The following SPG11 variants were observed in gnomAD, a reference collection of about 807,000 sequenced individuals.
The protein encoded by SPG11 is SPG11 vesicle trafficking associated, spatacsin, also known as spatacsin.
SPG11 carries 222 observed loss-of-function variants against 274.0 expected under a neutral mutation model. The observed-to-expected ratio is 0.81, with a 90% CI of 0.73 to 0.91. The LOEUF (loss-of-function observed/expected upper bound fraction) is 0.91, where lower values mean the gene tolerates loss of function less well. SPG11 is among the 40% of genes least tolerant of loss of function. SPG11 has a pLI of 0.00. For synonymous variants in SPG11, 1,144 were observed against 1,039.7 expected, an observed-to-expected ratio of 1.10 and a Z score of -1.93; for missense variants, 3,114 against 2,872.7, an observed-to-expected ratio of 1.08 and a Z score of -1.92.
At chr15:44,643,601 A>C (rs1327416337) in intron 7 of SPG11, among the ~76,000 whole-genome samples, 1 of 152,054 alleles carries the variant, frequency 6.6e-6, no homozygotes, top group Non-Finnish European at 1.5e-5. Flanking sequence ...ATAAATCTGC[A>C]CAATCTCAGA....
chr15:44,597,700 G>A (rs974172775), intron 23 of SPG11, among the ~76,000 whole-genome samples: 25 of 152,318 alleles, frequency 1.6e-4, no homozygotes, highest in African/African-American at 6.0e-4. Flanking sequence ...ATCAGTGATA[G>A]GATGTACAGA....
At chr15:44,602,057 T>C (rs1411404542) in intron 20 of SPG11, among the ~76,000 whole-genome samples, 1 of 152,274 alleles carries the variant, frequency 6.6e-6, no homozygotes, top group African/African-American at 2.4e-5. Flanking sequence ...GATTTTTGTA[T>C]GTTGATTTAA....
At chr15:44,653,388 A>C (rs939281670) in intron 4 of SPG11, among the ~76,000 whole-genome samples, 1 of 152,156 alleles carries the variant, frequency 6.6e-6, no homozygotes, top group African/African-American at 2.4e-5. Context: ...AAGTTAGAGA[A>C]GGTAGGGCGA....
At chr15:44,638,085 CACA>C (rs1227375818) in intron 7 of SPG11, among the ~76,000 whole-genome samples, 1 of 152,136 alleles carries the variant, frequency 6.6e-6, no homozygotes, top group Non-Finnish European at 1.5e-5. Flanking sequence ...AAAAATAAAA[CACA>C]ACAATAACAT....
Position 44,589,294 on chromosome 15 carries a change from G to GCTT in SPG11, c.4861_4863dup (p.Lys1621dup). The GCTT allele has an allele frequency of 6.2e-7, 1 of 1,614,084 alleles. No homozygotes were observed. Among genetic ancestry groups the GCTT allele is most frequent in the African/African-American group, 1.3e-5 (1 of 75,044 alleles). On this transcript the variant is annotated inframe_insertion, in exon 28 of 40. Coordinates refer to ENST00000261866, the MANE Select transcript of SPG11 (RefSeq NM_025137.4). ...TCTCTTTCAACAAAGAGCTGTAAAA[G>GCTT]CTTCCCCAGCTCATACTGGGTCTTA...
chr15:44,575,185 GC>G, intron 30 of SPG11, 144 bp from the exon 31 acceptor site: 1 of 984,194 alleles, frequency 1.0e-6, no homozygotes, highest in Non-Finnish European at 1.5e-6. Flanking sequence ...TGCTGACAGG[GC>G]CCCACCTCAA....
intron 7 of SPG11, among the ~76,000 whole-genome samples, chr15:44,639,611 G>A (rs2084382269): frequency 6.6e-6 from 1 of 151,866 alleles, no homozygotes; most frequent in Non-Finnish European, 1.5e-5. Context: ...CTCACATGGG[G>A]GTATCCCTTG....
chr15:44,567,966 G>T (rs945908258), intron 35 of SPG11, among the ~76,000 whole-genome samples: 1 of 152,206 alleles, frequency 6.6e-6, no homozygotes, highest in African/African-American at 2.4e-5. Context: ...AAAATAAGGG[G>T]AAGAGAATAC....
chr15:44,660,694 G>T, intron 1 of SPG11, 78 bp from the exon 2 acceptor site: 12 of 1,350,600 alleles, frequency 8.9e-6, no homozygotes, highest in Middle Eastern at 1.9e-4. Flanking sequence ...TAGAAGGGTT[G>T]AATAAGTAGA....
chr15:44,619,721 ATTTTT>A (rs1231420239), intron 15 of SPG11, among the ~76,000 whole-genome samples: 1 of 135,754 alleles, frequency 7.4e-6, no homozygotes, highest in Non-Finnish European at 1.6e-5. Context: ...AATGCATATG[ATTTTT>A]TTTTTTTTTT....
At chr15:44,579,402 C>T (rs1174673131) in intron 30 of SPG11, among the ~76,000 whole-genome samples, 6 of 151,420 alleles carry the variant, frequency 4.0e-5, no homozygotes, top group Non-Finnish European at 5.9e-5. Flanking sequence ...GGCGTGGTGG[C>T]GCCAGTCCCA....
At chr15:44,597,167 A>G in intron 23 of SPG11, 1 of 429,390 alleles carries the variant, frequency 2.3e-6, no homozygotes, top group Non-Finnish European at 4.2e-6. Context: ...AGGCTGGAGT[A>G]CAATGGTGCG....
chr15:44,609,701 T>TA (rs2083409978), intron 18 of SPG11, among the ~76,000 whole-genome samples: 1 of 151,090 alleles, frequency 6.6e-6, no homozygotes, highest in Admixed American at 6.6e-5. Flanking sequence ...AATCTCTATA[T>TA]AACATATTCA....
intron 7 of SPG11, among the ~76,000 whole-genome samples, chr15:44,639,867 AAATT>A (rs1253380690): frequency 2.6e-5 from 4 of 152,212 alleles, no homozygotes; most frequent in Non-Finnish European, 2.9e-5. Context: ...CAATACACAA[AAATT>A]AATTATATTT....
Position 44,592,354 on chromosome 15 carries a change from C to T in SPG11, c.4720G>A (p.Glu1574Lys). Residue 1574 changes from glutamate to lysine, a missense_variant, in exon 27 of 40, where the codon GAG (glutamate) becomes AAG (lysine). Transcript: ENST00000261866. ...NYKEAEAKLLEFQKSLETLNT... is the reference protein window; with the variant it reads ...NYKEAEAKLLKFQKSLETLNT... ...ACCGTTTCAAGGCTCTTCTGAAACT[C>T]CAGAAGTTTAGCTTCAGCTTCTTTA... 1 of 1,607,102 alleles carries T rather than the reference C, an allele frequency of 6.2e-7. No homozygotes were observed. Among genetic ancestry groups the T allele is most frequent in the South Asian group, 1.1e-5 (1 of 90,924 alleles).
chr15:44,633,468 T>C (rs2084141880), intron 8 of SPG11, 37 bp downstream of exon 8: 3 of 1,510,034 alleles, frequency 2.0e-6, no homozygotes, highest in African/African-American at 2.8e-5. Flanking sequence ...GAAGATCAAA[T>C]GATAAATACA....
At chr15:44,588,863 G>A (rs1338727232) in intron 28 of SPG11, among the ~76,000 whole-genome samples, 1 of 152,154 alleles carries the variant, frequency 6.6e-6, no homozygotes, top group African/African-American at 2.4e-5. Flanking sequence ...AGCTTATGAA[G>A]CAATGCTCCA....
chr15:44,630,603 C>T (rs1476206509), intron 8 of SPG11, among the ~76,000 whole-genome samples: 1 of 152,038 alleles, frequency 6.6e-6, no homozygotes, highest in Non-Finnish European at 1.5e-5. Context: ...TTTTTTGAGA[C>T]GGCGTTTCAC....
chr15:44,627,593 AT>A lies in SPG11; in HGVS notation c.2067+1075del, dbSNP rs753504528. 9.8e-3 allele frequency among the ~76,000 whole-genome samples: 1,424 copies of A among 145,422 alleles called. 14 individuals are homozygous for A. Among genetic ancestry groups the A allele is most frequent in the African/African-American group, 0.03 (1,191 of 39,932 alleles). On this transcript the variant is annotated intron_variant, in intron 10 of 39. Transcript: ENST00000261866. ...AAAAAAGTAGAAGGAAAAGTAAGTA[AT>A]TTTTTTTTTTTTTGAGACAGAGTCT...
Sources: gnomAD v4.1 joint callset for allele counts (sites outside exome capture counted in the v4.1 genomes callset) on GRCh38, gnomAD v4.1.1 for gene constraint, MANE v1.5 for transcripts, NCBI Gene and HGNC (gene_info 2026-07-23, HGNC 2026-07-21) for gene names.